Variants in WDR19 observed in about 807,000 individuals in gnomAD.
WDR19 encodes the protein WD repeat-containing protein 19.
Under a neutral mutation model 180.0 loss-of-function variants are expected in WDR19, and 121 were observed. That is an observed-to-expected ratio of 0.67 (90% CI 0.58 to 0.78). WDR19 has a LOEUF of 0.78. Among genes scored for constraint, WDR19 ranks in the 30% least tolerant of loss-of-function variants. The probability of loss-of-function intolerance (pLI) is 0.00; values close to 1 mark genes in which losing one functional copy is unlikely to be tolerated. For synonymous variants in WDR19, 497 were observed against 540.7 expected (o/e 0.92, Z 1.12); for missense variants, 1,450 against 1,640.7 (o/e 0.88, Z 2.01).
intron 14 of WDR19, among the ~76,000 whole-genome samples, chr4:39,219,559 G>A (rs1428126730): frequency 1.3e-5 from 2 of 152,208 alleles, no homozygotes; most frequent in Non-Finnish European, 2.9e-5. Context: ...TCAAACACCA[G>A]TTCTATTACT....
intron 3 of WDR19, 28 bp downstream of exon 3, chr4:39,186,632 C>G (rs765249277): frequency 6.8e-7 from 1 of 1,472,152 alleles, no homozygotes; most frequent in African/African-American, 1.5e-5. Flanking sequence ...TTTAAAAAAA[C>G]CTGTCAAGTT....
At chr4:39,262,934 GA>G (rs987577871) in intron 28 of WDR19, among the ~76,000 whole-genome samples, 48 of 148,980 alleles carry the variant, frequency 3.2e-4, no homozygotes, top group African/African-American at 8.4e-4. Flanking sequence ...TTCCCCTGGG[GA>G]AAAAAAAAAT....
chr4:39,277,025 C>T lies in WDR19; in HGVS notation c.3722C>T (p.Pro1241Leu), dbSNP rs576113399. ...KKKIEGMVRR[P>L]DISEIEEATT... ...GACATGATTCTTCCTCACAGGAGAC[C>T]CGATATATCTGAGATAGAAGAGGCC... Residue 1241 changes from proline (P) to leucine (L), a missense_variant, in exon 34 of 37, where the codon CCC becomes CTC. Transcript: ENST00000399820. 3.9e-4 allele frequency: 633 copies of T among 1,612,884 alleles called. 12 individuals carry two copies. In the South Asian group the frequency reaches 6.7e-3, roughly 17 times the overall value.
intron 14 of WDR19, among the ~76,000 whole-genome samples, chr4:39,223,580 G>T (rs184428111): frequency 7.2e-5 from 11 of 152,128 alleles, no homozygotes; most frequent in Non-Finnish European, 1.0e-4. Context: ...CTGACCTCGT[G>T]ATCCACCCAC....
At chr4:39,271,964 C>T (rs12651217) in intron 31 of WDR19, among the ~76,000 whole-genome samples, 69,846 of 152,050 alleles carry the variant, frequency 0.46, 18,703 homozygotes, top group East Asian at 0.62. Context: ...AGTAGCCATA[C>T]GTGATTAATG....
rs1050972959 is a variant in WDR19 at position 39,274,654 on chromosome 4, T to C, written c.3566-154T>C. The C allele has an allele frequency of 4.7e-6, 4 of 848,104 alleles. No homozygotes were observed. In the African/African-American group the frequency reaches 5.1e-5, roughly 11 times the overall value. 52.5% of individuals were successfully genotyped at this position (848,104 alleles called of 1,614,324 possible). On this transcript the variant is annotated intron_variant, in intron 32 of 36. Transcript: ENST00000399820. Reference sequence around the variant, plus strand: ...AGCCTGACCCCACAGCTACGTACTTTCCTCATTAAACAGATCATATCTGGT... The same window carrying C: ...AGCCTGACCCCACAGCTACGTACTTCCCTCATTAAACAGATCATATCTGGT...
chr4:39,194,603 T>G lies in WDR19; in HGVS notation c.350T>G (p.Val117Gly). 6.2e-7 allele frequency: 1 copy of G among 1,613,566 alleles called. No homozygotes were observed. The highest frequency in any genetic ancestry group is 8.5e-7 in the Non-Finnish European group (1 of 1,179,662). The stretch of plus-strand genomic sequence containing the variant: ...GGAAGTTTCCTGGCTGTTGGAACTG[T>G]TAAAGGAAATTTGCTTATTTATAAT... The part of the protein sequence containing the change: ...KVGSFLAVGT[V>G]KGNLLIYNHQ... Residue 117 changes from valine to glycine, a missense_variant, in exon 5 of 37, where the codon GTT (valine) becomes GGT (glycine). By Grantham distance (109) the Val-to-Gly change is moderately radical. Coordinates refer to ENST00000399820, the MANE Select transcript of WDR19 (RefSeq NM_025132.4).
chr4:39,197,592 T>C (rs937576089), intron 5 of WDR19, among the ~76,000 whole-genome samples: 3 of 152,056 alleles, frequency 2.0e-5, no homozygotes, highest in African/African-American at 7.2e-5. Context: ...TTGGGACTCT[T>C]GAGGATTTAT....
At chr4:39,192,892 A>G (rs1016089955) in intron 4 of WDR19, among the ~76,000 whole-genome samples, 1 of 152,070 alleles carries the variant, frequency 6.6e-6, no homozygotes, top group Non-Finnish European at 1.5e-5. Flanking sequence ...TCACTCAGTC[A>G]TTGTCTGGGA....
Position 39,203,679 on chromosome 4 carries a change from T to C in WDR19, c.560T>C (p.Phe187Ser). The C allele has an allele frequency of 6.2e-7, 1 of 1,613,078 alleles. No individual in the cohort carries two copies. The highest frequency in any genetic ancestry group is 2.2e-5 in the East Asian group (1 of 44,856). Residue 187 changes from phenylalanine to serine, a missense_variant, in exon 7 of 37, where the codon TTC becomes TCC. Phe to Ser is a radical substitution (Grantham distance 155, BLOSUM62 -2). Transcript: ENST00000399820. ...VRSEPSNMQFFLMKMDDRTSA... is the reference protein window; with the variant it reads ...VRSEPSNMQFSLMKMDDRTSA... ...TCAGAGCCTAGCAACATGCAGTTTT[T>C]CTTGATGAAGATGGATGACCGAACC... is the stretch of plus-strand genomic sequence containing the variant.
intron 20 of WDR19, among the ~76,000 whole-genome samples, chr4:39,237,193 C>T (rs557694890): frequency 6.6e-6 from 1 of 152,316 alleles, no homozygotes; most frequent in East Asian, 1.9e-4. Flanking sequence ...TTCTACTTTA[C>T]TGTCATAGAG....
intron 20 of WDR19, 44 bp downstream of exon 20, chr4:39,234,919 G>A: frequency 8.1e-7 from 1 of 1,239,356 alleles, no homozygotes; most frequent in Non-Finnish European, 1.2e-6. Flanking sequence ...GCTAATGACT[G>A]CAAATATCTT....
At chr4:39,211,963 GAGAGAGAGAGAGAGAGAGAGA>G (rs1280910683) in intron 9 of WDR19, among the ~76,000 whole-genome samples, 16 of 144,412 alleles carry the variant, frequency 1.1e-4, no homozygotes, top group Non-Finnish European at 1.0e-4. Context: ...GAGAGAGAGA[GAGAGAGAGAGAGAGAGAGAGA>G]GATAGATAGA....
intron 31 of WDR19, among the ~76,000 whole-genome samples, chr4:39,270,376 G>A (rs1010437833): frequency 1.8e-4 from 27 of 151,976 alleles, no homozygotes; most frequent in African/African-American, 5.8e-4. Context: ...TAGTGTGTGG[G>A]TTGTTTTGTT....
chr4:39,196,549 C>T (rs914784946), intron 5 of WDR19, among the ~76,000 whole-genome samples: 4 of 152,136 alleles, frequency 2.6e-5, no homozygotes, highest in Non-Finnish European at 4.4e-5. Context: ...AGAATCCAGC[C>T]GGTCTCACCA....
chr4:39,251,489 A>G (rs1733178340), intron 24 of WDR19, among the ~76,000 whole-genome samples: 3 of 151,842 alleles, frequency 2.0e-5, no homozygotes, highest in Non-Finnish European at 4.4e-5. Flanking sequence ...AGCAATGGCA[A>G]CAAAAGCCAA....
chr4:39,256,423 G>T (rs1181384839), intron 27 of WDR19, among the ~76,000 whole-genome samples: 2 of 152,172 alleles, frequency 1.3e-5, no homozygotes, highest in Non-Finnish European at 2.9e-5. Context: ...ACAGGGTAGG[G>T]ACTACTGAAT....
chr4:39,259,065 T>C (rs1041176038), intron 28 of WDR19, among the ~76,000 whole-genome samples: 2 of 152,152 alleles, frequency 1.3e-5, no homozygotes, highest in African/African-American at 2.4e-5. Context: ...TGAAACTCCA[T>C]CTCAAAAAAG....
At position 39,217,180 on chromosome 4, in the gene WDR19, T is replaced by A; in HGVS notation, c.1296T>A (p.Ser432Arg). ...KDMEYLGTVA[S>R]ICLHSDYAAA... Reference sequence around the variant, plus strand: ...TGGAGTATCTGGGAACAGTAGCCAGTATTTGCCTTCATTCTGACTATGCTG... The same window carrying A: ...TGGAGTATCTGGGAACAGTAGCCAGAATTTGCCTTCATTCTGACTATGCTG... Residue 432 changes from serine to arginine, a missense_variant, in exon 13 of 37, where the codon AGT becomes AGA. Physicochemically the swap from Ser to Arg is moderately radical, Grantham distance 110. Coordinates refer to ENST00000399820, the MANE Select transcript of WDR19 (RefSeq NM_025132.4). 5 of 1,609,286 alleles carry A rather than the reference T, an allele frequency of 3.1e-6. No homozygotes were observed. The highest frequency in any genetic ancestry group is 4.2e-6 in the Non-Finnish European group (5 of 1,177,914).
Sources: gnomAD v4.1 joint callset for allele counts (sites outside exome capture counted in the v4.1 genomes callset) on GRCh38, gnomAD v4.1.1 for gene constraint, MANE v1.5 for transcripts, NCBI Gene and HGNC (gene_info 2026-07-23, HGNC 2026-07-21) for gene names.